Variants in RBFOX1 observed in about 807,000 individuals in gnomAD.
The protein encoded by RBFOX1 is RNA binding protein fox-1 homolog 1.
In RBFOX1, 8 loss-of-function variants were observed where a neutral mutation model predicts 57.7. The observed-to-expected ratio is 0.14, with a 90% CI of 0.08 to 0.25. The LOEUF (loss-of-function observed/expected upper bound fraction) is 0.25, where lower values mean the gene tolerates loss of function less well. Among genes scored for constraint, RBFOX1 ranks in the 10% least tolerant of loss-of-function variants. The pLI, the probability that RBFOX1 is intolerant of heterozygous loss-of-function variation, is 1.00. For synonymous variants in RBFOX1, 326 were observed against 222.4 expected, an observed-to-expected ratio of 1.47 and a Z score of -4.15; for missense variants, 611 against 548.5, an observed-to-expected ratio of 1.11 and a Z score of -1.14.
chr16:5,613,674 T>C (rs2047909350), intron 3 of RBFOX1, among the ~76,000 whole-genome samples: 1 of 152,188 alleles, frequency 6.6e-6, no homozygotes, highest in African/African-American at 2.4e-5. Flanking sequence ...TGGGGTCATG[T>C]TTATGGGGCC....
At chr16:6,542,251 A>T (rs1225370470) in intron 2 of RBFOX1, among the ~76,000 whole-genome samples, 1 of 151,866 alleles carries the variant, frequency 6.6e-6, no homozygotes, top group Non-Finnish European at 1.5e-5. Flanking sequence ...AATAATCTTG[A>T]GATCTATAAG....
intron 14 of RBFOX1, among the ~76,000 whole-genome samples, chr16:7,677,126 T>TACACACACACACACACACACACAC (rs1314598196): frequency 1.6e-3 from 81 of 51,226 alleles, no homozygotes; most frequent in Admixed American, 4.5e-3. Flanking sequence ...CTTGCTCACA[T>TACACACACACACACACACACACAC]ACACATACAC....
intron 1 of RBFOX1, among the ~76,000 whole-genome samples, chr16:6,028,252 A>G (rs1274179864): frequency 6.6e-6 from 1 of 152,146 alleles, no homozygotes; most frequent in East Asian, 1.9e-4. Context: ...AAAGGCTGAT[A>G]AGAGGAGGGA....
In RBFOX1 at chr16:6,974,068, G is replaced by A. The variant is rs1015597102; in HGVS notation, c.-15-77989G>A. Among the ~76,000 whole-genome samples the A allele has an allele frequency of 3.3e-5, 5 of 152,038 alleles. No homozygotes were observed. The South Asian group carries it at 6.2e-4, about 19-fold the overall frequency. ...CTGTGTTAGTTTGCTGAGGATAATG[G>A]CTTCCAGCTGCATCCATGTCCCTGC... On this transcript the variant is annotated intron_variant, in intron 3 of 15. Transcript: ENST00000550418.
chr16:6,581,966 T>C (rs1047492283), intron 2 of RBFOX1, among the ~76,000 whole-genome samples: 4 of 152,190 alleles, frequency 2.6e-5, no homozygotes, highest in Non-Finnish European at 4.4e-5. Context: ...CCAAAGGATA[T>C]TGATAATCTT....
At position 6,013,727 on chromosome 16, in the gene RBFOX1, G is replaced by A. The variant is rs138864840; in HGVS notation, c.351+146392G>A. Among the ~76,000 whole-genome samples the A allele has an allele frequency of 4.0e-3, 611 of 152,148 alleles. 5 individuals are homozygous for A. Among genetic ancestry groups the A allele is most frequent in the Middle Eastern group, 0.02 (6 of 294 alleles). On this transcript the variant is annotated intron_variant, in intron 4 of 19. Coordinates refer to the RBFOX1 transcript ENST00000641259. ...TTTTTATGGCTGCATAGTATTCCAC[G>A]GTGTATGTGTGCCACATTTTCTTAA...
intron 3 of RBFOX1, among the ~76,000 whole-genome samples, chr16:6,732,194 C>A (rs2068789782): frequency 6.6e-6 from 1 of 152,202 alleles, no homozygotes; most frequent in South Asian, 2.1e-4. Flanking sequence ...ACTTTCCCTG[C>A]TTACTCACAG....
At chr16:7,337,542 A>G (rs1476072084) in intron 4 of RBFOX1, among the ~76,000 whole-genome samples, 1 of 152,204 alleles carries the variant, frequency 6.6e-6, no homozygotes, top group Non-Finnish European at 1.5e-5. Flanking sequence ...CAAGAGTGAA[A>G]AAACATAGGT....
intron 3 of RBFOX1, among the ~76,000 whole-genome samples, chr16:5,857,092 T>A (rs2057091032): frequency 6.6e-6 from 1 of 152,282 alleles, no homozygotes; most frequent in East Asian, 1.9e-4. Context: ...TTTCTTTCAC[T>A]TGAACACTTA....
chr16:7,170,121 A>C (rs1267311815), intron 4 of RBFOX1, among the ~76,000 whole-genome samples: 2 of 152,158 alleles, frequency 1.3e-5, no homozygotes, highest in African/African-American at 2.4e-5. Flanking sequence ...CATGCTGGGT[A>C]ATTAATATAT....
intron 1 of RBFOX1, among the ~76,000 whole-genome samples, chr16:6,301,934 G>A (rs7197625): frequency 8.3e-4 from 126 of 152,284 alleles, no homozygotes; most frequent in African/African-American, 2.9e-3. Context: ...AGAACATCCT[G>A]AGGTTCCAAG....
rs142295983 is a variant in RBFOX1 at position 6,715,434 on chromosome 16, A to G, written c.-16+60784A>G. Among the ~76,000 whole-genome samples, 307 of 152,302 alleles carry G rather than the reference A, an allele frequency of 2.0e-3. 2 individuals are homozygous for G. The highest frequency in any genetic ancestry group is 7.1e-3 in the African/African-American group (296 of 41,568). On this transcript the variant is annotated intron_variant, in intron 3 of 15. Coordinates refer to ENST00000550418, the MANE Select transcript of RBFOX1 (RefSeq NM_018723.4). ...ATGCCATTTAACATAGCAAGCCATC[A>G]GGTTAGTAAACAAATGATTGCCAAG...
chr16:7,063,179 A>T (rs2055015412), intron 4 of RBFOX1, among the ~76,000 whole-genome samples: 1 of 151,860 alleles, frequency 6.6e-6, no homozygotes, highest in South Asian at 2.1e-4. Context: ...TGCTTACCTG[A>T]ATTTGTACAT....
At chr16:6,377,587 A>G (rs1038409340) in intron 2 of RBFOX1, among the ~76,000 whole-genome samples, 1 of 152,166 alleles carries the variant, frequency 6.6e-6, no homozygotes, top group Admixed American at 6.6e-5. Context: ...GAATTTGGGA[A>G]GGGTCAGGGT....
At chr16:7,434,325 A>C (rs1181684601) in intron 4 of RBFOX1, among the ~76,000 whole-genome samples, 2 of 152,088 alleles carry the variant, frequency 1.3e-5, no homozygotes, top group Non-Finnish European at 2.9e-5. Context: ...CAAAAAAATT[A>C]GCTGGGCACA....
chr16:7,198,582 G>T (rs1347189475), intron 4 of RBFOX1, among the ~76,000 whole-genome samples: 6 of 152,132 alleles, frequency 3.9e-5, no homozygotes, highest in East Asian at 1.9e-4. Flanking sequence ...GGGTTTGGAG[G>T]CTGGAAAGTC....
intron 4 of RBFOX1, among the ~76,000 whole-genome samples, chr16:7,391,153 C>G (rs543324135): frequency 1.3e-5 from 2 of 152,178 alleles, no homozygotes; most frequent in African/African-American, 2.4e-5. Flanking sequence ...TTTAGATAGG[C>G]AGCATGTCCA....
chr16:7,686,776 C>T (rs566359752), intron 14 of RBFOX1, among the ~76,000 whole-genome samples: 3 of 152,148 alleles, frequency 2.0e-5, no homozygotes, highest in African/African-American at 4.8e-5. Context: ...TTCAGATTCA[C>T]GGTTGGTTCT....
At chr16:5,868,547 A>C (rs2057394848) in intron 4 of RBFOX1, among the ~76,000 whole-genome samples, 1 of 152,218 alleles carries the variant, frequency 6.6e-6, no homozygotes, top group Non-Finnish European at 1.5e-5. Flanking sequence ...AGGGGAGATC[A>C]TTATCCACAA....
Sources: gnomAD v4.1 joint callset for allele counts (sites outside exome capture counted in the v4.1 genomes callset) on GRCh38, gnomAD v4.1.1 for gene constraint, MANE v1.5 for transcripts, NCBI Gene and HGNC (gene_info 2026-07-23, HGNC 2026-07-21) for gene names.